Variants in MAP3K20 observed in about 807,000 individuals in gnomAD.
The protein encoded by MAP3K20 is HCCS-4.
A neutral mutation model predicts 85.7 loss-of-function variants in MAP3K20; 40 were observed. That is an observed-to-expected ratio of 0.47 (90% confidence interval 0.36 to 0.61). MAP3K20 has a LOEUF of 0.61. MAP3K20 is among the 20% of genes least tolerant of loss of function. The pLI, the probability that MAP3K20 is intolerant of heterozygous loss-of-function variation, is 0.00. For synonymous variants in MAP3K20, 325 were observed against 327.7 expected (o/e 0.99, Z 0.09); for missense variants, 817 against 961.7 (o/e 0.85, Z 1.99).
At chr2:173,187,755 T>C in intron 5 of MAP3K20, 132 bp downstream of exon 5, 1 of 644,526 alleles carries the variant, frequency 1.6e-6, no homozygotes. Context: ...CATGGAAGCC[T>C]TTCTACTGTC....
At chr2:173,232,491 A>C in intron 14 of MAP3K20, 32 bp downstream of exon 14, 1 of 1,603,900 alleles carries the variant, frequency 6.2e-7, no homozygotes, top group Middle Eastern at 1.7e-4. Flanking sequence ...TTCCATCAGC[A>C]AACCCTTTTT....
intron 1 of MAP3K20, among the ~76,000 whole-genome samples, chr2:173,081,189 ATTT>A (rs55900314): frequency 6.4e-5 from 9 of 140,832 alleles, no homozygotes; most frequent in Admixed American, 7.1e-5. Flanking sequence ...AAAAAGACAA[ATTT>A]TTTTTTTTTT....
At chr2:173,085,823 CCTTGCT>C (rs1687130469) in intron 1 of MAP3K20, among the ~76,000 whole-genome samples, 1 of 98,110 alleles carries the variant, frequency 1.0e-5, no homozygotes, top group African/African-American at 3.9e-5. Flanking sequence ...TGAGATAGAG[CCTTGCT>C]CTGTTGTCCA....
intron 11 of MAP3K20, chr2:173,226,524 A>G (rs1417995420): frequency 1.1e-5 from 11 of 985,852 alleles, no homozygotes; most frequent in Non-Finnish European, 1.3e-5. Flanking sequence ...CGATTGTAGC[A>G]TAGCCTGACA....
chr2:173,204,381 G>A (rs542986696), intron 9 of MAP3K20, among the ~76,000 whole-genome samples: 1 of 152,324 alleles, frequency 6.6e-6, no homozygotes, highest in South Asian at 2.1e-4. Context: ...GTCTGGCACA[G>A]TCCCTGCTCT....
At chr2:173,104,300 TA>T (rs1687721547) in intron 2 of MAP3K20, among the ~76,000 whole-genome samples, 3 of 152,136 alleles carry the variant, frequency 2.0e-5, no homozygotes, top group Admixed American at 6.5e-5. Context: ...TTTCTTCCCC[TA>T]AAACCATAAC....
chr2:173,232,531 T>G (rs921312844), intron 14 of MAP3K20, 72 bp downstream of exon 14: 5 of 1,575,926 alleles, frequency 3.2e-6, no homozygotes, highest in Admixed American at 3.6e-5. Flanking sequence ...TGAGGCAGAG[T>G]CTTGCTCTGT....
chr2:173,110,231 ATAT>A (rs1687921952), intron 2 of MAP3K20, among the ~76,000 whole-genome samples: 1 of 10,936 alleles, frequency 9.1e-5, no homozygotes, highest in Non-Finnish European at 1.6e-4. Context: ...ATATATATAT[ATAT>A]ATATATATTT....
chr2:173,107,362 A>G (rs1254461766), intron 2 of MAP3K20, among the ~76,000 whole-genome samples: 1 of 152,070 alleles, frequency 6.6e-6, no homozygotes, highest in Non-Finnish European at 1.5e-5. Flanking sequence ...GGCTTTGTGC[A>G]AGGGTTTCAG....
At chr2:173,075,741 G>C (rs1204377703), upstream of MAP3K20, 2 of 985,212 alleles carry the variant, frequency 2.0e-6, no homozygotes, top group African/African-American at 3.5e-5. Context: ...GGCCAGGGAG[G>C]CCCGAGCGCC....
intron 2 of MAP3K20, among the ~76,000 whole-genome samples, chr2:173,159,475 G>A (rs905400925): frequency 3.3e-5 from 5 of 150,462 alleles, no homozygotes; most frequent in African/African-American, 1.2e-4. Context: ...CTGCAGCCTG[G>A]ACCTCCTAGG....
chr2:173,176,535 A>G (rs145518177), intron 3 of MAP3K20, among the ~76,000 whole-genome samples: 243 of 152,258 alleles, frequency 1.6e-3, no homozygotes, highest in Non-Finnish European at 2.9e-3. Context: ...CCCTTGAACT[A>G]CTGCTAAGAA....
At chr2:173,142,490 G>GTA (rs921338649) in intron 2 of MAP3K20, among the ~76,000 whole-genome samples, 20 of 150,822 alleles carry the variant, frequency 1.3e-4, no homozygotes, top group Admixed American at 5.9e-4. Context: ...AAAAAAAGTA[G>GTA]TATATATATA....
In MAP3K20 at chr2:173,158,149, C is replaced by G. The variant is rs138494256; in HGVS notation, c.160-11656C>G. On this transcript the variant is annotated intron_variant, in intron 2 of 19. Coordinates refer to ENST00000375213, the MANE Select transcript of MAP3K20 (RefSeq NM_016653.3). ...GTGAAAGGGTGATTAATAGTAAGCC[C>G]TAACTCATGTTTGCTGTGAGAATGT... 6.6e-5 allele frequency among the ~76,000 whole-genome samples: 10 copies of G among 152,278 alleles called. No individual in the cohort carries two copies. In the East Asian group the frequency reaches 1.7e-3, roughly 26 times the overall value.
chr2:173,088,985 A>G (rs573783856), intron 1 of MAP3K20, among the ~76,000 whole-genome samples: 10 of 152,294 alleles, frequency 6.6e-5, no homozygotes, highest in African/African-American at 2.4e-4. Flanking sequence ...CTTCTCCCCA[A>G]AGTAGAGCAG....
intron 2 of MAP3K20, among the ~76,000 whole-genome samples, chr2:173,116,638 C>T (rs1688131473): frequency 6.6e-6 from 1 of 152,238 alleles, no homozygotes; most frequent in Non-Finnish European, 1.5e-5. Context: ...GTCTTTATCA[C>T]CTGCCTTGGT....
At chr2:173,202,256 C>T (rs1691091831) in intron 8 of MAP3K20, among the ~76,000 whole-genome samples, 1 of 152,122 alleles carries the variant, frequency 6.6e-6, no homozygotes, top group South Asian at 2.1e-4. Flanking sequence ...TTTGAAAGTG[C>T]TTAGCACGGC....
At chr2:173,100,776 G>C (rs1687615989) in intron 2 of MAP3K20, among the ~76,000 whole-genome samples, 1 of 152,174 alleles carries the variant, frequency 6.6e-6, no homozygotes, top group African/African-American at 2.4e-5. Context: ...TCACTGTGCA[G>C]TGCTTTAACA....
At chr2:173,252,984 G>C (rs1367573853) in intron 16 of MAP3K20, among the ~76,000 whole-genome samples, 1 of 152,160 alleles carries the variant, frequency 6.6e-6, no homozygotes, top group Non-Finnish European at 1.5e-5. Flanking sequence ...TCATGAAACT[G>C]GCCATTGTTA....
Sources: allele counts gnomAD v4.1 joint callset (sites outside exome capture counted in the v4.1 genomes callset), GRCh38; gene constraint gnomAD v4.1.1; transcripts MANE v1.5; gene names NCBI Gene and HGNC (gene_info 2026-07-23, HGNC 2026-07-21).